Variants in RSRC1 observed in about 807,000 individuals in gnomAD.
The protein encoded by RSRC1 is serine/Arginine-related protein 53.
Under a neutral mutation model 49.1 loss-of-function variants are expected in RSRC1, and 39 were observed. The ratio of observed to expected loss-of-function variants is 0.79; its 90% CI spans 0.61 to 1.04. The LOEUF is 1.04. Among genes scored for constraint, RSRC1 ranks in the 50% least tolerant of loss-of-function variants. RSRC1 has a pLI of 0.00. For missense variants in RSRC1, 388 were observed against 402.4 expected (o/e 0.96, Z 0.31); for synonymous variants, 143 against 130.8 (o/e 1.09, Z -0.63).
chr3:158,187,260 T>C lies in RSRC1; in HGVS notation c.321-15812T>C, dbSNP rs572588372. On this transcript the variant is annotated intron_variant, in intron 3 of 9. Coordinates refer to ENST00000611884, the MANE Select transcript of RSRC1 (RefSeq NM_001271838.2). The stretch of plus-strand genomic sequence containing the variant: ...AATTGAGTGAGATAAAGTACATGAA[T>C]ATAGCTTGCATGCTTCTTAGCACAT... Among the ~76,000 whole-genome samples the C allele has an allele frequency of 1.1e-4, 17 of 152,118 alleles. 1 individual carries two copies. In the South Asian group the frequency reaches 3.5e-3, roughly 31 times the overall value.
intron 7 of RSRC1, among the ~76,000 whole-genome samples, chr3:158,479,233 T>A (rs1249474765): frequency 6.7e-6 from 1 of 148,922 alleles, no homozygotes; most frequent in Non-Finnish European, 1.5e-5. Context: ...GTATTATTTT[T>A]AAAATGTTTT....
intron 6 of RSRC1, among the ~76,000 whole-genome samples, chr3:158,459,751 A>T (rs1422057130): frequency 6.6e-6 from 1 of 151,992 alleles, no homozygotes; most frequent in Non-Finnish European, 1.5e-5. Flanking sequence ...CATGACTTTA[A>T]ATGCAGTCTA....
chr3:158,419,386 T>C (rs1344303591), intron 6 of RSRC1, among the ~76,000 whole-genome samples: 3 of 151,900 alleles, frequency 2.0e-5, no homozygotes, highest in Non-Finnish European at 4.4e-5. Flanking sequence ...AGTGGCCATT[T>C]GTGGGGATAA....
At chr3:158,225,837 C>T (rs1722501622) in intron 4 of RSRC1, 1 of 306,954 alleles carries the variant, frequency 3.3e-6, no homozygotes, top group South Asian at 2.9e-5. Flanking sequence ...AGTCAGAGTC[C>T]AACCTGGAAG....
chr3:158,149,709 T>C (rs757087225), intron 3 of RSRC1, among the ~76,000 whole-genome samples: 8 of 152,204 alleles, frequency 5.3e-5, no homozygotes, highest in Non-Finnish European at 1.2e-4. Flanking sequence ...CCAACTCTGG[T>C]TGAAACCAAC....
intron 3 of RSRC1, among the ~76,000 whole-genome samples, chr3:158,177,241 T>A (rs950336653): frequency 5.9e-5 from 9 of 152,220 alleles, no homozygotes; most frequent in African/African-American, 1.9e-4. Flanking sequence ...TGGTGATTCA[T>A]CGAGGATCTA....
intron 4 of RSRC1, among the ~76,000 whole-genome samples, chr3:158,240,710 T>C (rs927226080): frequency 7.9e-5 from 12 of 152,156 alleles, no homozygotes; most frequent in Admixed American, 7.2e-4. Flanking sequence ...AAATTTTCAG[T>C]AAATAACAAG....
rs1435023834 is a variant in RSRC1 at position 158,112,067 on chromosome 3, T to C, written c.-3+1844T>C. Among the ~76,000 whole-genome samples the C allele has an allele frequency of 5.3e-5, 8 of 152,312 alleles. No homozygotes were observed. The East Asian group carries it at 9.6e-4, about 18-fold the overall frequency. On this transcript the variant is annotated intron_variant, in intron 1 of 9. Coordinates refer to ENST00000611884, the MANE Select transcript of RSRC1 (RefSeq NM_001271838.2). ...TGGGTGAGTTTTGCAACCACGAGGC[T>C]ACAACCAGGAAGAACTAGAGTGAGA...
At chr3:158,511,967 G>T (rs1418312133) in intron 7 of RSRC1, among the ~76,000 whole-genome samples, 1 of 151,156 alleles carries the variant, frequency 6.6e-6, no homozygotes, top group East Asian at 1.9e-4. Context: ...TTTTGATGGG[G>T]TTGTTTTTTT....
intron 7 of RSRC1, among the ~76,000 whole-genome samples, chr3:158,527,536 C>T (rs1712115319): frequency 1.3e-5 from 2 of 151,886 alleles, no homozygotes; most frequent in Non-Finnish European, 2.9e-5. Flanking sequence ...CTACCATCCT[C>T]TAATAAACCA....
intron 6 of RSRC1, among the ~76,000 whole-genome samples, chr3:158,405,359 A>G (rs911691782): frequency 1.3e-5 from 2 of 152,082 alleles, no homozygotes; most frequent in African/African-American, 2.4e-5. Context: ...CTCCCCCAAC[A>G]TTGGTGCCTG....
chr3:158,236,258 T>C (rs1490066650), intron 4 of RSRC1, among the ~76,000 whole-genome samples: 6 of 152,178 alleles, frequency 3.9e-5, no homozygotes, highest in Non-Finnish European at 8.8e-5. Context: ...ACCCTTCTCA[T>C]TTGTTATTTT....
chr3:158,526,666 G>C (rs966698283), intron 7 of RSRC1, among the ~76,000 whole-genome samples: 1 of 151,982 alleles, frequency 6.6e-6, no homozygotes, highest in African/African-American at 2.4e-5. Flanking sequence ...CTGAACCCCA[G>C]TGTTTTTATT....
Position 158,176,594 on chromosome 3 carries a change from T to C in RSRC1, c.321-26478T>C, listed in dbSNP as rs542720628. On this transcript the variant is annotated intron_variant, in intron 3 of 9. Transcript: ENST00000611884. ...GTGCTGGGAAAACTGGCTAGCCATA[T>C]GTAGAAAGCTGAAACTGGATCCCTT... 4.4e-3 allele frequency among the ~76,000 whole-genome samples: 673 copies of C among 152,340 alleles called. 3 individuals are homozygous for C. The highest frequency in any genetic ancestry group is 7.8e-3 in the Non-Finnish European group (530 of 68,026).
intron 4 of RSRC1, among the ~76,000 whole-genome samples, chr3:158,255,946 T>C (rs1724523936): frequency 6.6e-6 from 1 of 152,332 alleles, no homozygotes; most frequent in Admixed American, 6.5e-5. Flanking sequence ...GCTTATCAGC[T>C]TGAGGAGATT....
At chr3:158,266,740 C>T (rs1725202840) in intron 4 of RSRC1, among the ~76,000 whole-genome samples, 1 of 151,964 alleles carries the variant, frequency 6.6e-6, no homozygotes, top group South Asian at 2.1e-4. Flanking sequence ...CTTCATTTCA[C>T]CTTCTTTTTT....
chr3:158,403,980 A>C (rs1560027516), intron 6 of RSRC1, among the ~76,000 whole-genome samples: 1 of 151,896 alleles, frequency 6.6e-6, no homozygotes, highest in Non-Finnish European at 1.5e-5. Context: ...CAAGATAAAT[A>C]ATTTATATTT....
chr3:158,432,843 G>A (rs994952495), intron 6 of RSRC1, among the ~76,000 whole-genome samples: 5 of 151,720 alleles, frequency 3.3e-5, no homozygotes, highest in Admixed American at 2.6e-4. Flanking sequence ...ATAAAATGAA[G>A]ACATTTATCT....
At chr3:158,470,957 A>C (rs1738110533) in intron 7 of RSRC1, among the ~76,000 whole-genome samples, 1 of 152,240 alleles carries the variant, frequency 6.6e-6, no homozygotes, top group Admixed American at 6.5e-5. Flanking sequence ...AAACTCACGC[A>C]ACAAGAATCA....
Sources: gnomAD v4.1 joint callset for allele counts (sites outside exome capture counted in the v4.1 genomes callset) on GRCh38, gnomAD v4.1.1 for gene constraint, MANE v1.5 for transcripts, NCBI Gene and HGNC (gene_info 2026-07-23, HGNC 2026-07-21) for gene names.